Variants in ARIH2 observed in about 807,000 individuals in gnomAD.
ARIH2 encodes ariadne RBR E3 ubiquitin protein ligase 2.
A neutral mutation model predicts 79.8 loss-of-function variants in ARIH2; 12 were observed. The ratio of observed to expected loss-of-function variants is 0.15; its 90% CI spans 0.10 to 0.24. The LOEUF (loss-of-function observed/expected upper bound fraction) is 0.24, where lower values mean the gene tolerates loss of function less well. ARIH2 is among the 10% of genes least tolerant of loss of function. ARIH2 has a pLI of 1.00. For missense variants in ARIH2, 301 were observed against 618.3 expected (o/e 0.49, Z 5.44); for synonymous variants, 224 against 213.9 (o/e 1.05, Z -0.41).
intron 1 of ARIH2, 200 bp downstream of exon 1, chr3:48,919,198 T>C: frequency 7.8e-7 from 1 of 1,281,548 alleles, no homozygotes; most frequent in Non-Finnish European, 9.9e-7. Flanking sequence ...CCTTTTTTCC[T>C]CCCGCCGCCT....
rs1406107597 is a variant in ARIH2 at position 48,920,687 on chromosome 3, A to C, written c.-162+1689A>C. On this transcript the variant is annotated intron_variant, in intron 1 of 15. Transcript: ENST00000356401. ...CAGTGGCGTGATCATGGCTCGCTGC[A>C]ATCTCCTGGACTCAAATAATCCTCC... Among the ~76,000 whole-genome samples, 2 of 70,810 alleles carry C rather than the reference A, an allele frequency of 2.8e-5. 1 individual carries two copies. Among genetic ancestry groups the C allele is most frequent in the Non-Finnish European group, 5.6e-5 (2 of 35,816 alleles). The allele number at this position is 70,810 out of a possible 152,430, so 46.5% of individuals were successfully genotyped here.
In ARIH2 at chr3:48,918,869, G is replaced by C. The variant is rs780942346; in HGVS notation, c.-291G>C. On this transcript the variant is annotated 5_prime_UTR_variant, in exon 1 of 16. Transcript: ENST00000356401. The stretch of plus-strand genomic sequence containing the variant: ...AGCTGTGGGGACGACTCTTCTGGAG[G>C]AAGCAGCGCGGGCTTGACCGGCGTC... 1 of 1,609,980 alleles carries C rather than the reference G, an allele frequency of 6.2e-7. No homozygotes were observed. The highest frequency in any genetic ancestry group is 8.5e-7 in the Non-Finnish European group (1 of 1,179,552).
chr3:48,970,548 C>T (rs761471577), intron 7 of ARIH2, 47 bp from the exon 8 acceptor site: 37 of 1,301,708 alleles, frequency 2.8e-5, no homozygotes, highest in Non-Finnish European at 4.0e-5. Flanking sequence ...GATTTTTAGA[C>T]AGCAACTAAG....
chr3:48,977,360 C>T (rs1338817650), intron 11 of ARIH2, among the ~76,000 whole-genome samples: 1 of 151,964 alleles, frequency 6.6e-6, no homozygotes, highest in East Asian at 1.9e-4. Flanking sequence ...AGGCTGAGTG[C>T]AGTGGTGCGA....
rs1250592890 is a variant in ARIH2, at chr3:48,982,831, C to T, written c.1327-65C>T. 15 of 1,226,476 alleles carry T rather than the reference C, an allele frequency of 1.2e-5. No individual in the cohort carries two copies. The South Asian group carries it at 1.6e-4, about 13-fold the overall frequency. 76.0% of individuals were successfully genotyped at this position (1,226,476 alleles called of 1,614,324 possible). ...CTGAGGTGCTGCATGTGCCCACCCC[C>T]GTGTACAGGCCCTGCCCCAGCCACA... On this transcript the variant is annotated intron_variant, in intron 14 of 15. Transcript: ENST00000356401.
chr3:48,983,557 G>T lies in ARIH2; in HGVS notation c.*287G>T. ...AGTGTTTTCTGAATGGCTATTAATAGTATTAGATCATTACAACTTATGTAA... is the reference window on the plus strand; with the variant it reads ...AGTGTTTTCTGAATGGCTATTAATATTATTAGATCATTACAACTTATGTAA... On this transcript the variant is annotated 3_prime_UTR_variant, in exon 16 of 16. Transcript: ENST00000356401. The T allele has an allele frequency of 8.8e-6, 3 of 342,604 alleles. No individual in the cohort carries two copies. Among genetic ancestry groups the T allele is most frequent in the Non-Finnish European group, 1.1e-5 (2 of 187,962 alleles). 21.2% of individuals were successfully genotyped at this position (342,604 alleles called of 1,614,324 possible).
At chr3:48,964,787 T>TA in intron 4 of ARIH2, 132 bp from the exon 5 acceptor site, 1 of 643,874 alleles carries the variant, frequency 1.6e-6, no homozygotes, top group Non-Finnish European at 2.6e-6. Flanking sequence ...TGTACTGAGA[T>TA]AAAAGGAAGC....
chr3:48,945,248 T>A, intron 3 of ARIH2: 3 of 1,254,550 alleles, frequency 2.4e-6, no homozygotes, highest in Non-Finnish European at 3.1e-6. Flanking sequence ...GGGGGAAAAG[T>A]CTATTTGCAA....
chr3:48,936,561 T>C (rs2087147942), intron 3 of ARIH2, among the ~76,000 whole-genome samples: 1 of 151,974 alleles, frequency 6.6e-6, no homozygotes, highest in East Asian at 1.9e-4. Flanking sequence ...GGTGAAACCC[T>C]GTCTCTACTA....
chr3:48,931,088 T>A (rs1465180766), intron 3 of ARIH2, among the ~76,000 whole-genome samples: 1 of 151,834 alleles, frequency 6.6e-6, no homozygotes, highest in African/African-American at 2.4e-5. Context: ...AATTATTATT[T>A]AAAAAAAAAT....
At chr3:48,928,216 G>C (rs1283232562) in intron 3 of ARIH2, among the ~76,000 whole-genome samples, 1 of 152,206 alleles carries the variant, frequency 6.6e-6, no homozygotes, top group African/African-American at 2.4e-5. Context: ...AGAGTATACA[G>C]ATCCCTCTGG....
rs374204324 is a variant in ARIH2, at chr3:48,979,615, C to T, written c.1095C>T (p.Tyr365=). The part of the protein sequence containing the change: ...QAQAREALKK[Y]LFYFERWENH... ...AGGCGAGGGAAGCCCTCAAGAAGTA[C>T]TTATTCTACTTTGAGAGGGTAGGTG... is the stretch of plus-strand genomic sequence containing the variant. The change falls in exon 12 of 16, where the codon TAC becomes TAT. Residue 365 remains tyrosine, a synonymous_variant. Coordinates refer to ENST00000356401, the MANE Select transcript of ARIH2 (RefSeq NM_006321.4). 4.3e-6 allele frequency: 7 copies of T among 1,613,988 alleles called. No individual in the cohort carries two copies. The highest frequency in any genetic ancestry group is 5.9e-6 in the Non-Finnish European group (7 of 1,180,050).
intron 11 of ARIH2, among the ~76,000 whole-genome samples, chr3:48,978,183 G>C (rs752512107): frequency 7.9e-5 from 12 of 151,778 alleles, no homozygotes; most frequent in Non-Finnish European, 1.6e-4. Flanking sequence ...CAACAAAACT[G>C]TGGTTGGCTT....
At chr3:48,975,482 A>G (rs2092446625) in intron 11 of ARIH2, among the ~76,000 whole-genome samples, 2 of 152,168 alleles carry the variant, frequency 1.3e-5, no homozygotes, top group African/African-American at 4.8e-5. Flanking sequence ...AACTGAAGAA[A>G]CAGAATCCCT....
At chr3:48,973,673 G>T in intron 8 of ARIH2, 26 bp from the exon 9 acceptor site, 1 of 1,556,162 alleles carries the variant, frequency 6.4e-7, no homozygotes, top group South Asian at 1.1e-5. Context: ...ATGAATATTT[G>T]AATGTTTTTC....
intron 3 of ARIH2, among the ~76,000 whole-genome samples, chr3:48,954,488 G>A (rs2090358940): frequency 6.6e-6 from 1 of 152,096 alleles, no homozygotes; most frequent in Admixed American, 6.6e-5. Flanking sequence ...ATTTGCCCAG[G>A]CTGGTCTCAA....
At chr3:48,943,286 C>G (rs1374636802) in intron 3 of ARIH2, 1 of 152,230 alleles carries the variant, frequency 6.6e-6, no homozygotes, top group Non-Finnish European at 1.5e-5. Context: ...TTAACCTCCT[C>G]CAACCTATTG....
chr3:48,932,009 A>C (rs1411967076), intron 3 of ARIH2, among the ~76,000 whole-genome samples: 2 of 152,262 alleles, frequency 1.3e-5, no homozygotes, highest in East Asian at 3.9e-4. Context: ...ACTCTGTCTA[A>C]AAAAGAAAAA....
intron 3 of ARIH2, among the ~76,000 whole-genome samples, chr3:48,937,138 A>G (rs1193903768): frequency 1.3e-5 from 2 of 152,234 alleles, no homozygotes; most frequent in African/African-American, 2.4e-5. Context: ...TAAAAGGAAA[A>G]CAGAGCTGTT....
Sources: allele counts gnomAD v4.1 joint callset (sites outside exome capture counted in the v4.1 genomes callset), GRCh38; gene constraint gnomAD v4.1.1; transcripts MANE v1.5; gene names NCBI Gene and HGNC (gene_info 2026-07-23, HGNC 2026-07-21).